JAZF1: variants seen among roughly 807,000 people sequenced by gnomAD.
JAZF1 encodes the protein JAZF zinc finger 1.
In JAZF1, 8 loss-of-function variants were observed where a neutral mutation model predicts 26.4. That is an observed-to-expected ratio of 0.30 (90% CI 0.18 to 0.55). The LOEUF (loss-of-function observed/expected upper bound fraction) is 0.55, where lower values mean the gene tolerates loss of function less well. Ranked by LOEUF, JAZF1 falls within the 20% of genes least tolerant of loss-of-function variation. The pLI, the probability that JAZF1 is intolerant of heterozygous loss-of-function variation, is 0.94. For missense variants in JAZF1, 199 were observed against 322.0 expected (o/e 0.62, Z 2.92); for synonymous variants, 126 against 122.3 (o/e 1.03, Z -0.20).
intron 2 of JAZF1, among the ~76,000 whole-genome samples, chr7:27,917,786 G>T (rs1293435027): frequency 6.6e-6 from 1 of 152,184 alleles, no homozygotes; most frequent in Non-Finnish European, 1.5e-5. Flanking sequence ...GTAAGCTGGA[G>T]ATTTTCATGC....
chr7:27,918,681 C>T (rs957357509), intron 2 of JAZF1, among the ~76,000 whole-genome samples: 2 of 152,174 alleles, frequency 1.3e-5, no homozygotes, highest in African/African-American at 4.8e-5. Flanking sequence ...CAAGTAGCCA[C>T]GTGCTTGCTT....
intron 2 of JAZF1, among the ~76,000 whole-genome samples, chr7:27,950,343 A>G (rs1293743237): frequency 6.6e-6 from 1 of 152,186 alleles, no homozygotes; most frequent in East Asian, 1.9e-4. Context: ...AAATATGCAA[A>G]GCTGCTTCAA....
chr7:27,926,942 ATT>A (rs1482248937), intron 2 of JAZF1, among the ~76,000 whole-genome samples: 70 of 152,276 alleles, frequency 4.6e-4, no homozygotes, highest in Admixed American at 2.4e-3. Flanking sequence ...TCTTTAGGGG[ATT>A]AGACCACATC....
intron 1 of JAZF1, among the ~76,000 whole-genome samples, chr7:28,031,173 G>C (rs1416233699): frequency 6.6e-6 from 1 of 152,088 alleles, no homozygotes; most frequent in Non-Finnish European, 1.5e-5. Flanking sequence ...TCTATCGATG[G>C]CACCTTCATA....
At chr7:28,164,636 C>A (rs955850926) in intron 1 of JAZF1, among the ~76,000 whole-genome samples, 3 of 152,180 alleles carry the variant, frequency 2.0e-5, no homozygotes, top group African/African-American at 7.2e-5. Context: ...AAAGAAATGG[C>A]ACTGTGATGG....
At chr7:27,952,305 C>G (rs6970113) in intron 2 of JAZF1, among the ~76,000 whole-genome samples, 145,582 of 152,310 alleles carry the variant, frequency 0.96, 69,665 homozygotes, top group East Asian at 1. Context: ...GGAGGAGGTA[C>G]GTTGTGAGAA....
At chr7:28,156,753 G>C (rs1783191520) in intron 1 of JAZF1, among the ~76,000 whole-genome samples, 1 of 152,126 alleles carries the variant, frequency 6.6e-6, no homozygotes, top group African/African-American at 2.4e-5. Context: ...TGCTTGTCCA[G>C]AGACCACTCT....
intron 2 of JAZF1, among the ~76,000 whole-genome samples, chr7:27,972,437 G>A (rs553921881): frequency 1.3e-4 from 20 of 152,288 alleles, no homozygotes; most frequent in Non-Finnish European, 2.2e-4. Flanking sequence ...GGAGGATGGG[G>A]GTAAGAGGTG....
At chr7:28,091,314 C>A (rs1033336356) in intron 1 of JAZF1, among the ~76,000 whole-genome samples, 5 of 151,748 alleles carry the variant, frequency 3.3e-5, no homozygotes, top group Non-Finnish European at 2.9e-5. Context: ...TTTAATGTTT[C>A]CTCCTAACAG....
At chr7:27,850,747 G>A (rs67176119) in intron 3 of JAZF1, among the ~76,000 whole-genome samples, 29,652 of 151,542 alleles carry the variant, frequency 0.2, 3,270 homozygotes, top group South Asian at 0.26. Flanking sequence ...GCAGCCCTGG[G>A]CCTCATCATG....
intron 1 of JAZF1, among the ~76,000 whole-genome samples, chr7:28,132,569 G>C (rs1782813000): frequency 6.6e-6 from 1 of 152,252 alleles, no homozygotes; most frequent in South Asian, 2.1e-4. Flanking sequence ...TACACATAAG[G>C]AAGCAATTTC....
At chr7:27,877,482 T>C (rs969369056) in intron 3 of JAZF1, among the ~76,000 whole-genome samples, 2 of 152,162 alleles carry the variant, frequency 1.3e-5, no homozygotes, top group South Asian at 4.1e-4. Flanking sequence ...CCTCAGGTTT[T>C]ACAGGGCCAA....
chr7:27,977,193 G>T (rs1466367755), intron 2 of JAZF1, among the ~76,000 whole-genome samples: 1 of 152,104 alleles, frequency 6.6e-6, no homozygotes, highest in South Asian at 2.1e-4. Context: ...TTATATATTA[G>T]ACATTGTGAT....
chr7:28,092,312 A>T (rs200471234), intron 1 of JAZF1, among the ~76,000 whole-genome samples: 1 of 137,666 alleles, frequency 7.3e-6, no homozygotes, highest in South Asian at 2.3e-4. Flanking sequence ...AAAAAAAAAA[A>T]AAAAAAAAAA....
Position 28,060,958 on chromosome 7 carries a change from C to T in JAZF1, c.116-68977G>A, listed in dbSNP as rs1783788099. ...TTGAAAAAAATCTCTTCCACTGATC[C>T]TGCAGGCAGTATGATTTACAATGGT... On this transcript the variant is annotated intron_variant, in intron 1 of 4. Transcript: ENST00000283928. 1.3e-5 allele frequency among the ~76,000 whole-genome samples: 2 copies of T among 152,182 alleles called. 1 individual carries two copies. Among genetic ancestry groups the T allele is most frequent in the South Asian group, 4.1e-4 (2 of 4,834 alleles).
chr7:27,952,608 G>T (rs1785029086), intron 2 of JAZF1, among the ~76,000 whole-genome samples: 1 of 152,228 alleles, frequency 6.6e-6, no homozygotes, highest in Non-Finnish European at 1.5e-5. Flanking sequence ...CTGAGCTGTA[G>T]TTGGCAGTGG....
intron 2 of JAZF1, among the ~76,000 whole-genome samples, chr7:27,935,739 T>C (rs1247053424): frequency 3.9e-5 from 6 of 152,224 alleles, no homozygotes; most frequent in Admixed American, 3.9e-4. Context: ...TAGTTCTCAA[T>C]TGCTAGCCCC....
intron 1 of JAZF1, among the ~76,000 whole-genome samples, chr7:28,112,270 C>T (rs17156399): frequency 0.019 from 2,951 of 152,232 alleles, 98 homozygotes; most frequent in African/African-American, 0.068. Flanking sequence ...ACAATGGAGG[C>T]CAGTTTCATT....
intron 1 of JAZF1, among the ~76,000 whole-genome samples, chr7:28,039,600 T>C (rs1783355166): frequency 6.6e-6 from 1 of 152,168 alleles, no homozygotes; most frequent in African/African-American, 2.4e-5. Context: ...TTTCAGTATG[T>C]TACAGCATCT....
Sources: allele counts gnomAD v4.1 joint callset (sites outside exome capture counted in the v4.1 genomes callset), GRCh38; gene constraint gnomAD v4.1.1; transcripts MANE v1.5; gene names NCBI Gene and HGNC (gene_info 2026-07-23, HGNC 2026-07-21).